Variants in NTM observed in about 807,000 individuals in gnomAD.
NTM encodes neurotrimin, also known as IgLON family member 2.
NTM carries 13 observed loss-of-function variants against 42.1 expected under a neutral mutation model. That is an observed-to-expected ratio of 0.31 (90% CI 0.20 to 0.49). NTM has a LOEUF of 0.49. Ranked by LOEUF, NTM falls within the 20% of genes least tolerant of loss-of-function variation. The probability of loss-of-function intolerance (pLI) is 0.99; values close to 1 mark genes in which losing one functional copy is unlikely to be tolerated. For synonymous variants in NTM, 187 were observed against 179.2 expected, an observed-to-expected ratio of 1.04 and a Z score of -0.35; for missense variants, 373 against 452.8, an observed-to-expected ratio of 0.82 and a Z score of 1.60.
chr11:131,976,494 ATTCT>A lies in NTM; in HGVS notation c.167+64848_167+64851del, dbSNP rs375062409. On this transcript the variant is annotated intron_variant, in intron 2 of 8. Transcript: ENST00000683400. The stretch of plus-strand genomic sequence containing the variant: ...GTTGAATAGATTCATGTTTTCTTTC[ATTCT>A]TCCTTCCTTTTGTCTTTTTTAACTA... Among the ~76,000 whole-genome samples, 182 of 151,908 alleles carry A rather than the reference ATTCT, an allele frequency of 1.2e-3. 1 individual carries two copies. The highest frequency in any genetic ancestry group is 8.5e-3 in the South Asian group (41 of 4,796).
At chr11:131,572,245 G>A (rs1246763109) in intron 1 of NTM, among the ~76,000 whole-genome samples, 2 of 152,240 alleles carry the variant, frequency 1.3e-5, no homozygotes, top group South Asian at 2.1e-4. Flanking sequence ...ACCATCAGAG[G>A]TGCCCTGATG....
intron 7 of NTM, among the ~76,000 whole-genome samples, chr11:132,328,661 T>C (rs2095736751): frequency 6.6e-6 from 1 of 152,092 alleles, no homozygotes; most frequent in Non-Finnish European, 1.5e-5. Context: ...CCAAAACTGC[T>C]TGTGGTTTGG....
chr11:131,646,980 C>G (rs533497987), intron 1 of NTM, among the ~76,000 whole-genome samples: 2 of 152,190 alleles, frequency 1.3e-5, no homozygotes, highest in African/African-American at 4.8e-5. Context: ...GGACAGAACA[C>G]GCAAAAGGGG....
intron 1 of NTM, among the ~76,000 whole-genome samples, chr11:131,635,115 G>A (rs1218110742): frequency 1.3e-5 from 2 of 152,188 alleles, no homozygotes; most frequent in Admixed American, 1.3e-4. Context: ...ATAGTGCAAT[G>A]CATTACTTAC....
At chr11:132,128,521 C>T (rs559228289) in intron 2 of NTM, among the ~76,000 whole-genome samples, 2 of 152,134 alleles carry the variant, frequency 1.3e-5, no homozygotes, top group African/African-American at 2.4e-5. Flanking sequence ...CTCCTTCATG[C>T]AGAAACAGGA....
At chr11:132,225,357 G>A (rs898774993) in intron 4 of NTM, among the ~76,000 whole-genome samples, 2 of 152,020 alleles carry the variant, frequency 1.3e-5, no homozygotes, top group Admixed American at 6.6e-5. Flanking sequence ...AGCTGCTTTT[G>A]TTAGAGAGTG....
At chr11:131,749,370 C>T (rs1175090386) in intron 1 of NTM, among the ~76,000 whole-genome samples, 1 of 152,204 alleles carries the variant, frequency 6.6e-6, no homozygotes, top group Non-Finnish European at 1.5e-5. Context: ...ATAGAGCTTA[C>T]AAAGTGCTCA....
intron 1 of NTM, among the ~76,000 whole-genome samples, chr11:131,700,523 G>A (rs1483518124): frequency 2.0e-5 from 3 of 152,288 alleles, no homozygotes; most frequent in East Asian, 1.9e-4. Context: ...CTAGCTTCAT[G>A]ATGACCTACT....
intron 2 of NTM, among the ~76,000 whole-genome samples, chr11:132,079,517 A>G (rs1290672410): frequency 6.6e-6 from 1 of 152,172 alleles, no homozygotes; most frequent in Non-Finnish European, 1.5e-5. Context: ...TGATGGAAAA[A>G]GTCCCTATCT....
At chr11:131,509,009 C>A (rs977291963) in intron 1 of NTM, among the ~76,000 whole-genome samples, 1 of 151,716 alleles carries the variant, frequency 6.6e-6, no homozygotes, top group African/African-American at 2.4e-5. Context: ...ACAATGTGCA[C>A]ATGTACCCTA....
intron 1 of NTM, among the ~76,000 whole-genome samples, chr11:131,830,852 T>C (rs909755909): frequency 6.6e-6 from 1 of 152,206 alleles, no homozygotes; most frequent in Non-Finnish European, 1.5e-5. Flanking sequence ...CTTTCAGCAG[T>C]GTTTTATAGT....
intron 1 of NTM, among the ~76,000 whole-genome samples, chr11:131,426,695 G>C (rs1250129123): frequency 6.6e-6 from 1 of 152,192 alleles, no homozygotes; most frequent in Non-Finnish European, 1.5e-5. Context: ...CCACCTGTCA[G>C]AGCCCGAACT....
chr11:132,205,070 T>C (rs1446446479), intron 3 of NTM, among the ~76,000 whole-genome samples: 1 of 152,122 alleles, frequency 6.6e-6, no homozygotes, highest in Non-Finnish European at 1.5e-5. Flanking sequence ...AAGACAAAGG[T>C]CCCTAAAGAG....
intron 1 of NTM, among the ~76,000 whole-genome samples, chr11:131,461,215 A>G (rs781617058): frequency 1.1e-4 from 17 of 152,306 alleles, no homozygotes; most frequent in Non-Finnish European, 2.4e-4. Context: ...TCTTCTGACA[A>G]TAAGACTTGG....
intron 3 of NTM, among the ~76,000 whole-genome samples, chr11:132,206,144 C>T (rs762365126): frequency 8.5e-5 from 13 of 152,202 alleles, no homozygotes; most frequent in Non-Finnish European, 1.6e-4. Flanking sequence ...ATTTCTGTGA[C>T]TCCAGTTTCT....
chr11:132,111,944 G>T (rs1053986355), intron 2 of NTM, among the ~76,000 whole-genome samples: 3 of 152,256 alleles, frequency 2.0e-5, no homozygotes, highest in Non-Finnish European at 4.4e-5. Context: ...TCGCATAGGC[G>T]TTTGGCAAAG....
chr11:131,529,994 G>A (rs1031000518), intron 1 of NTM, among the ~76,000 whole-genome samples: 1 of 152,138 alleles, frequency 6.6e-6, no homozygotes, highest in African/African-American at 2.4e-5. Context: ...TCTAGAAAGA[G>A]GCAGACTGGG....
intron 4 of NTM, among the ~76,000 whole-genome samples, chr11:132,253,235 T>A (rs2139409870): frequency 6.6e-6 from 1 of 152,284 alleles, no homozygotes; most frequent in Non-Finnish European, 1.5e-5. Flanking sequence ...CCTGTTAATC[T>A]CCTAGGTGCT....
chr11:132,226,390 A>G (rs1166690920), intron 4 of NTM, among the ~76,000 whole-genome samples: 2 of 152,244 alleles, frequency 1.3e-5, no homozygotes, highest in African/African-American at 2.4e-5. Context: ...TGACTTTTTA[A>G]TGATTGCCAT....
Sources: gnomAD v4.1 joint callset for allele counts (sites outside exome capture counted in the v4.1 genomes callset) on GRCh38, gnomAD v4.1.1 for gene constraint, MANE v1.5 for transcripts, NCBI Gene and HGNC (gene_info 2026-07-23, HGNC 2026-07-21) for gene names.